The following GPC5 variants were observed in gnomAD, a reference collection of about 807,000 sequenced individuals.
GPC5 encodes the protein glypican-5.
A neutral mutation model predicts 53.9 loss-of-function variants in GPC5; 47 were observed. The ratio of observed to expected loss-of-function variants is 0.87; its 90% CI spans 0.69 to 1.11. GPC5 has a LOEUF of 1.11. GPC5 is among the 50% of genes most tolerant of loss of function. The pLI is 0.00. For missense variants in GPC5, 748 were observed against 713.1 expected (o/e 1.05, Z -0.56); for synonymous variants, 286 against 263.3 (o/e 1.09, Z -0.84).
chr13:92,494,979 A>G (rs1481990263), intron 7 of GPC5, among the ~76,000 whole-genome samples: 5 of 152,066 alleles, frequency 3.3e-5, no homozygotes, highest in East Asian at 1.9e-4. Context: ...TGCCTTCACT[A>G]TTCCTTCTTG....
chr13:92,765,349 T>C (rs910280109), intron 7 of GPC5, among the ~76,000 whole-genome samples: 1 of 152,220 alleles, frequency 6.6e-6, no homozygotes, highest in Non-Finnish European at 1.5e-5. Flanking sequence ...TTTTTACCCT[T>C]GAGGCATCAT....
chr13:92,173,862 T>C (rs1373027441), intron 7 of GPC5, among the ~76,000 whole-genome samples: 2 of 152,190 alleles, frequency 1.3e-5, no homozygotes, highest in Non-Finnish European at 2.9e-5. Context: ...CCCAGCACTT[T>C]GGGAAGCCGA....
chr13:92,432,893 G>A (rs980934316), intron 7 of GPC5, among the ~76,000 whole-genome samples: 1 of 152,006 alleles, frequency 6.6e-6, no homozygotes, highest in Non-Finnish European at 1.5e-5. Flanking sequence ...TCTGGAAAAA[G>A]ATAAATATTT....
intron 5 of GPC5, among the ~76,000 whole-genome samples, chr13:91,820,699 C>A (rs938170076): frequency 6.6e-6 from 1 of 152,100 alleles, no homozygotes; most frequent in African/African-American, 2.4e-5. Context: ...CGCGGTGGCT[C>A]ACGCCTGTAA....
intron 7 of GPC5, among the ~76,000 whole-genome samples, chr13:92,653,215 C>T (rs1886012691): frequency 6.6e-6 from 1 of 152,132 alleles, no homozygotes; most frequent in African/African-American, 2.4e-5. Flanking sequence ...CAGTTCCAAC[C>T]AAGGTTCCAA....
At chr13:92,202,830 A>G (rs1031115671) in intron 7 of GPC5, among the ~76,000 whole-genome samples, 2 of 152,202 alleles carry the variant, frequency 1.3e-5, no homozygotes, top group Non-Finnish European at 2.9e-5. Flanking sequence ...GAGAAAAAAA[A>G]TAGACAAATG....
chr13:91,811,233 A>T (rs2038306767), intron 5 of GPC5, among the ~76,000 whole-genome samples: 1 of 152,052 alleles, frequency 6.6e-6, no homozygotes, highest in African/African-American at 2.4e-5. Context: ...ATTTGACCTA[A>T]AGACATCTGA....
At position 92,788,877 on chromosome 13, in the gene GPC5, C is replaced by G. The variant is rs1876358965; in HGVS notation, c.1562-77405C>G. Among the ~76,000 whole-genome samples, 3 of 152,156 alleles carry G rather than the reference C, an allele frequency of 2.0e-5. No individual in the cohort carries two copies. In the South Asian group the frequency reaches 6.2e-4, roughly 31 times the overall value. ...GTATGGCACACCTTGAGAAAGCCCTCACTAGGCCAACGGGTTTCCCCCAGG... is the reference window on the plus strand; with the variant it reads ...GTATGGCACACCTTGAGAAAGCCCTGACTAGGCCAACGGGTTTCCCCCAGG... On this transcript the variant is annotated intron_variant, in intron 7 of 7. Coordinates refer to ENST00000377067, the MANE Select transcript of GPC5 (RefSeq NM_004466.6).
intron 2 of GPC5, among the ~76,000 whole-genome samples, chr13:91,596,936 G>T (rs1242725763): frequency 6.6e-6 from 1 of 152,102 alleles, no homozygotes; most frequent in Non-Finnish European, 1.5e-5. Flanking sequence ...AATCTCTGAA[G>T]TTCTCTCACC....
intron 7 of GPC5, among the ~76,000 whole-genome samples, chr13:92,785,804 T>C (rs1876211380): frequency 6.6e-6 from 1 of 152,230 alleles, no homozygotes; most frequent in South Asian, 2.1e-4. Flanking sequence ...CACTTCTCTG[T>C]GCAGTACAAT....
intron 6 of GPC5, among the ~76,000 whole-genome samples, chr13:92,119,800 T>C (rs2041633975): frequency 1.3e-5 from 2 of 152,042 alleles, no homozygotes; most frequent in African/African-American, 4.8e-5. Context: ...ATGAGTTTTT[T>C]AGTTTTGTGT....
At chr13:91,982,963 A>C (rs1454352132) in intron 6 of GPC5, among the ~76,000 whole-genome samples, 1 of 152,194 alleles carries the variant, frequency 6.6e-6, no homozygotes, top group Non-Finnish European at 1.5e-5. Flanking sequence ...GAAAATGTTC[A>C]AATACAGAGC....
intron 7 of GPC5, among the ~76,000 whole-genome samples, chr13:92,347,575 A>G (rs1419075275): frequency 6.6e-6 from 1 of 151,628 alleles, no homozygotes; most frequent in Non-Finnish European, 1.5e-5. Context: ...CTACAAATTA[A>G]TAATGATACA....
chr13:91,904,789 A>G (rs1229439857), intron 5 of GPC5, among the ~76,000 whole-genome samples: 5 of 152,062 alleles, frequency 3.3e-5, no homozygotes, highest in East Asian at 1.9e-4. Flanking sequence ...TCTGACCTAG[A>G]GTGAAGAAAA....
chr13:92,334,158 A>C (rs1260285836), intron 7 of GPC5, among the ~76,000 whole-genome samples: 1 of 152,164 alleles, frequency 6.6e-6, no homozygotes, highest in East Asian at 1.9e-4. Flanking sequence ...AGACTGAGTA[A>C]TTTATAAGGA....
chr13:91,727,275 A>T (rs1222966260), intron 3 of GPC5, among the ~76,000 whole-genome samples: 1 of 152,168 alleles, frequency 6.6e-6, no homozygotes, highest in Non-Finnish European at 1.5e-5. Flanking sequence ...TCCAAGTCTC[A>T]TCCCGATGGA....
At chr13:92,577,418 A>ATGTGTGTG (rs56162097) in intron 7 of GPC5, among the ~76,000 whole-genome samples, 3,748 of 145,376 alleles carry the variant, frequency 0.026, 103 homozygotes, top group African/African-American at 0.075. Context: ...ATGTATGTAT[A>ATGTGTGTG]TGTGTGTGTG....
At chr13:92,698,565 A>G (rs1231828614) in intron 7 of GPC5, among the ~76,000 whole-genome samples, 1 of 152,138 alleles carries the variant, frequency 6.6e-6, no homozygotes, top group African/African-American at 2.4e-5. Context: ...CCAGTCTATC[A>G]TTTTGAACAT....
chr13:91,626,481 C>A (rs1341691240), intron 2 of GPC5, among the ~76,000 whole-genome samples: 1 of 151,988 alleles, frequency 6.6e-6, no homozygotes. Flanking sequence ...TATAAAAGGT[C>A]TTTGTAACAA....
Sources: allele counts gnomAD v4.1 joint callset (sites outside exome capture counted in the v4.1 genomes callset), GRCh38; gene constraint gnomAD v4.1.1; transcripts MANE v1.5; gene names NCBI Gene and HGNC (gene_info 2026-07-23, HGNC 2026-07-21).